The following CRPPA variants were observed in gnomAD, a reference collection of about 807,000 sequenced individuals.
CRPPA encodes the protein D-ribitol-5-phosphate cytidylyltransferase.
CRPPA carries 43 observed loss-of-function variants against 52.0 expected under a neutral mutation model. The ratio of observed to expected loss-of-function variants is 0.83; its 90% confidence interval spans 0.65 to 1.07. The LOEUF (loss-of-function observed/expected upper bound fraction) is 1.07. Among genes scored for constraint, CRPPA ranks in the 50% least tolerant of loss-of-function variants. The pLI, the probability that CRPPA is intolerant of heterozygous loss-of-function variation, is 0.00. For missense variants in CRPPA, 629 were observed against 551.7 expected (o/e 1.14, Z -1.40); for synonymous variants, 250 against 203.5 (o/e 1.23, Z -1.94).
At chr7:16,298,693 G>C (rs1170353489) in intron 5 of CRPPA, among the ~76,000 whole-genome samples, 2 of 152,142 alleles carry the variant, frequency 1.3e-5, no homozygotes, top group Non-Finnish European at 2.9e-5. Flanking sequence ...TCCCCAATTA[G>C]CTGGTAAAAC....
chr7:16,299,074 C>A (rs1315673790), intron 5 of CRPPA, among the ~76,000 whole-genome samples: 1 of 152,210 alleles, frequency 6.6e-6, no homozygotes, highest in African/African-American at 2.4e-5. Context: ...TTATCTATAT[C>A]TCTGTACATC....
At chr7:16,192,434 G>C (rs192090411) in intron 9 of CRPPA, among the ~76,000 whole-genome samples, 22 of 152,114 alleles carry the variant, frequency 1.4e-4, no homozygotes, top group African/African-American at 5.1e-4. Context: ...TTCTACTGAG[G>C]TATTATTGAC....
At chr7:16,278,497 G>A (rs937506657) in intron 5 of CRPPA, among the ~76,000 whole-genome samples, 24 of 152,146 alleles carry the variant, frequency 1.6e-4, no homozygotes, top group African/African-American at 4.8e-4. Context: ...GGATGCATTC[G>A]GAAGGGAGTA....
chr7:16,154,139 T>A (rs749778589), intron 9 of CRPPA, among the ~76,000 whole-genome samples: 2 of 151,598 alleles, frequency 1.3e-5, no homozygotes, highest in African/African-American at 4.9e-5. Flanking sequence ...TCCCACTCCT[T>A]GTAATGTGGT....
At chr7:16,120,410 C>A (rs569362875) in intron 9 of CRPPA, among the ~76,000 whole-genome samples, 3 of 152,212 alleles carry the variant, frequency 2.0e-5, no homozygotes, top group Admixed American at 1.3e-4. Flanking sequence ...CACCCCTTAC[C>A]CCTAATGTTT....
chr7:16,231,177 C>T (rs1481673998), intron 8 of CRPPA, among the ~76,000 whole-genome samples: 1 of 152,148 alleles, frequency 6.6e-6, no homozygotes, highest in Admixed American at 6.5e-5. Flanking sequence ...TCCATGCTGC[C>T]AGAGTTGGGG....
intron 5 of CRPPA, among the ~76,000 whole-genome samples, chr7:16,279,943 T>C (rs951694356): frequency 1.3e-5 from 2 of 152,230 alleles, no homozygotes; most frequent in Non-Finnish European, 2.9e-5. Context: ...CTCACAATCA[T>C]GGCAGAAGGT....
intron 9 of CRPPA, among the ~76,000 whole-genome samples, chr7:16,159,895 G>A (rs1236642264): frequency 6.6e-6 from 1 of 151,794 alleles, no homozygotes; most frequent in African/African-American, 2.4e-5. Flanking sequence ...TTTAATGATC[G>A]CCATTCTCAT....
At chr7:16,141,256 T>C (rs1002400499) in intron 9 of CRPPA, among the ~76,000 whole-genome samples, 3 of 152,170 alleles carry the variant, frequency 2.0e-5, no homozygotes, top group African/African-American at 4.8e-5. Flanking sequence ...AAATCCTTTA[T>C]AGGAAAAAGA....
At chr7:16,343,344 C>T (rs999977734) in intron 3 of CRPPA, among the ~76,000 whole-genome samples, 4 of 152,058 alleles carry the variant, frequency 2.6e-5, no homozygotes, top group Admixed American at 6.5e-5. Context: ...TTCCTCTCCA[C>T]CCCCCAACTC....
intron 3 of CRPPA, among the ~76,000 whole-genome samples, chr7:16,313,713 G>A (rs1025072743): frequency 1.3e-5 from 2 of 151,804 alleles, no homozygotes; most frequent in African/African-American, 4.8e-5. Flanking sequence ...AAATTTTGAT[G>A]CGTTCCATTT....
intron 8 of CRPPA, among the ~76,000 whole-genome samples, chr7:16,224,617 T>C (rs1014361052): frequency 1.3e-5 from 2 of 152,134 alleles, no homozygotes; most frequent in African/African-American, 2.4e-5. Flanking sequence ...ATCTACATAA[T>C]AGCTGCAAAA....
At chr7:16,352,293 A>T (rs1028931668) in intron 3 of CRPPA, among the ~76,000 whole-genome samples, 1 of 152,062 alleles carries the variant, frequency 6.6e-6, no homozygotes, top group African/African-American at 2.4e-5. Flanking sequence ...GAGGGAGAAC[A>T]TTAGGACAAA....
intron 9 of CRPPA, among the ~76,000 whole-genome samples, chr7:16,118,113 A>G (rs1007796665): frequency 2.6e-5 from 4 of 152,208 alleles, no homozygotes; most frequent in African/African-American, 9.7e-5. Context: ...TCCATTCATT[A>G]AGTACTTACA....
chr7:16,313,208 T>C (rs1785070455), intron 3 of CRPPA, among the ~76,000 whole-genome samples: 2 of 151,952 alleles, frequency 1.3e-5, no homozygotes, highest in African/African-American at 4.8e-5. Context: ...TAGTACTTCA[T>C]ATATTAGGTG....
rs1562496503 is a variant in CRPPA, at chr7:16,089,355, C to CGTACGTAT, written c.*2339_*2340insATACGTAC. ...ATATGTGTGTATGCGTACGTATATA[C>CGTACGTAT]ATACATACATGCATGTACATATATA... On this transcript the variant is annotated 3_prime_UTR_variant, in exon 10 of 10. Coordinates refer to ENST00000407010, the MANE Select transcript of CRPPA (RefSeq NM_001101426.4). The CGTACGTAT allele has an allele frequency of 1.5e-4, 47 of 306,510 alleles. No homozygotes were observed. In the East Asian group the frequency reaches 4.6e-3, roughly 30 times the overall value. The allele number at this position is 306,510 out of a possible 1,614,324, so 19.0% of individuals were successfully genotyped here.
chr7:16,369,874 A>C (rs1051272557), intron 3 of CRPPA, among the ~76,000 whole-genome samples: 1 of 152,222 alleles, frequency 6.6e-6, no homozygotes, highest in Non-Finnish European at 1.5e-5. Flanking sequence ...GTGAAGACAG[A>C]TGAAAAACTC....
intron 3 of CRPPA, among the ~76,000 whole-genome samples, chr7:16,351,650 A>T (rs1786156289): frequency 6.6e-6 from 1 of 152,196 alleles, no homozygotes; most frequent in African/African-American, 2.4e-5. Flanking sequence ...ATGCGGCCAA[A>T]CATATGAAAA....
chr7:16,148,090 C>G (rs1179635790), intron 9 of CRPPA, among the ~76,000 whole-genome samples: 1 of 152,060 alleles, frequency 6.6e-6, no homozygotes, highest in Non-Finnish European at 1.5e-5. Flanking sequence ...ATATACATAC[C>G]TTATTTCTCC....
Sources: allele counts gnomAD v4.1 joint callset (sites outside exome capture counted in the v4.1 genomes callset), GRCh38; gene constraint gnomAD v4.1.1; transcripts MANE v1.5; gene names NCBI Gene and HGNC (gene_info 2026-07-23, HGNC 2026-07-21).